The following HECW1 variants were observed in gnomAD, a reference collection of about 807,000 sequenced individuals.
HECW1 encodes the protein E3 ubiquitin-protein ligase HECW1.
Under a neutral mutation model 182.3 loss-of-function variants are expected in HECW1, and 61 were observed. That is an observed-to-expected ratio of 0.33 (90% CI 0.27 to 0.41). The LOEUF (loss-of-function observed/expected upper bound fraction) is 0.41, where lower values mean the gene tolerates loss of function less well. HECW1 is among the 10% of genes least tolerant of loss of function. The probability of loss-of-function intolerance (pLI) is 1.00; values close to 1 mark genes in which losing one functional copy is unlikely to be tolerated. For synonymous variants in HECW1, 859 were observed against 832.6 expected (o/e 1.03, Z -0.55); for missense variants, 1,739 against 2,108.9 (o/e 0.82, Z 3.44).
At chr7:43,302,248 C>A (rs1445427667) in intron 3 of HECW1, among the ~76,000 whole-genome samples, 1 of 152,190 alleles carries the variant, frequency 6.6e-6, no homozygotes, top group African/African-American at 2.4e-5. Flanking sequence ...CCAAGCCAGG[C>A]AGCTCAGGCC....
At chr7:43,218,077 G>A (rs1165839259) in intron 2 of HECW1, among the ~76,000 whole-genome samples, 2 of 152,166 alleles carry the variant, frequency 1.3e-5, no homozygotes, top group African/African-American at 4.8e-5. Flanking sequence ...CTGTGTAAAT[G>A]GCCCAACAAA....
rs536507154 is a variant in HECW1 at position 43,177,439 on chromosome 7, G to A, written c.-32+63048G>A. ...CTGAGCCTGATCCCAGGGCAGTCTGGACTGAGTTTGTCCCTCATCAAGTTT... is the reference window on the plus strand; with the variant it reads ...CTGAGCCTGATCCCAGGGCAGTCTGAACTGAGTTTGTCCCTCATCAAGTTT... On this transcript the variant is annotated intron_variant, in intron 2 of 29. Transcript: ENST00000395891. 5.6e-3 allele frequency among the ~76,000 whole-genome samples: 848 copies of A among 152,272 alleles called. 3 individuals are homozygous for A. The highest frequency in any genetic ancestry group is 9.5e-3 in the Non-Finnish European group (646 of 68,020).
At chr7:43,200,769 G>A (rs1794951921) in intron 2 of HECW1, among the ~76,000 whole-genome samples, 2 of 152,174 alleles carry the variant, frequency 1.3e-5, no homozygotes, top group Admixed American at 6.5e-5. Flanking sequence ...TACCACTTCT[G>A]CCTCCCTGTT....
At chr7:43,220,665 C>T (rs1402351666) in intron 2 of HECW1, among the ~76,000 whole-genome samples, 2 of 152,188 alleles carry the variant, frequency 1.3e-5, no homozygotes, top group Non-Finnish European at 2.9e-5. Flanking sequence ...CAAAGTCCAG[C>T]CAAACTCTAG....
At chr7:43,199,471 CT>C (rs1279784764) in intron 2 of HECW1, among the ~76,000 whole-genome samples, 13 of 152,114 alleles carry the variant, frequency 8.5e-5, no homozygotes, top group Admixed American at 5.9e-4. Context: ...TCTTTTCCCC[CT>C]GGAACTTACA....
At chr7:43,131,093 C>T (rs1181116122) in intron 2 of HECW1, among the ~76,000 whole-genome samples, 1 of 152,030 alleles carries the variant, frequency 6.6e-6, no homozygotes, top group East Asian at 1.9e-4. Flanking sequence ...TGGTGAAACC[C>T]CATCTGTACT....
intron 3 of HECW1, among the ~76,000 whole-genome samples, chr7:43,298,761 G>A (rs1396893011): frequency 2.6e-5 from 4 of 152,186 alleles, no homozygotes; most frequent in African/African-American, 4.8e-5. Flanking sequence ...TGAATGGCAA[G>A]TCAGGGGCCT....
At chr7:43,252,408 A>G (rs1321484690) in intron 3 of HECW1, among the ~76,000 whole-genome samples, 5 of 152,334 alleles carry the variant, frequency 3.3e-5, no homozygotes, top group African/African-American at 1.2e-4. Flanking sequence ...CAGCTTTAGC[A>G]TCACCTGGGA....
intron 2 of HECW1, among the ~76,000 whole-genome samples, chr7:43,146,763 G>T (rs1788761403): frequency 1.3e-5 from 2 of 152,220 alleles, no homozygotes; most frequent in African/African-American, 4.8e-5. Context: ...AGGAAGATGT[G>T]CCAGGCTAAT....
At chr7:43,369,184 C>T (rs575946531) in intron 6 of HECW1, among the ~76,000 whole-genome samples, 3 of 152,218 alleles carry the variant, frequency 2.0e-5, no homozygotes, top group African/African-American at 4.8e-5. Context: ...TAGGGCCGGG[C>T]GCAGTGGCTC....
chr7:43,175,334 A>G (rs1792120069), intron 2 of HECW1, among the ~76,000 whole-genome samples: 1 of 152,220 alleles, frequency 6.6e-6, no homozygotes, highest in Non-Finnish European at 1.5e-5. Context: ...TACAGTCACC[A>G]TGTTGTACAA....
intron 2 of HECW1, among the ~76,000 whole-genome samples, chr7:43,168,649 A>G (rs540199279): frequency 8.5e-5 from 13 of 152,164 alleles, no homozygotes; most frequent in Admixed American, 2.0e-4. Context: ...GACACAGCAA[A>G]ACCCTGTCTC....
chr7:43,185,225 G>C (rs1253740342), intron 2 of HECW1, among the ~76,000 whole-genome samples: 13 of 152,076 alleles, frequency 8.5e-5, no homozygotes, highest in Non-Finnish European at 2.9e-5. Context: ...CACCTAGAGA[G>C]GGCATGGAAA....
intron 6 of HECW1, among the ~76,000 whole-genome samples, chr7:43,365,441 G>T (rs915000352): frequency 9.5e-5 from 6 of 63,388 alleles, no homozygotes; most frequent in Admixed American, 4.0e-4. Flanking sequence ...AGGGCAGGCT[G>T]AGGACATGAC....
At chr7:43,209,754 G>T (rs903019788) in intron 2 of HECW1, among the ~76,000 whole-genome samples, 4 of 152,162 alleles carry the variant, frequency 2.6e-5, no homozygotes, top group African/African-American at 7.2e-5. Context: ...AGAATGTGGA[G>T]AAGAGTGGAC....
At chr7:43,349,283 C>G (rs1194144032) in intron 5 of HECW1, among the ~76,000 whole-genome samples, 1 of 152,178 alleles carries the variant, frequency 6.6e-6, no homozygotes, top group Non-Finnish European at 1.5e-5. Context: ...ATCTGCCTGC[C>G]TCGGCCTCCC....
At chr7:43,336,124 T>TTCTTTCTCTCTCTCTCTCTCTC (rs1313057919) in intron 5 of HECW1, among the ~76,000 whole-genome samples, 7 of 64,246 alleles carry the variant, frequency 1.1e-4, no homozygotes, top group Admixed American at 3.2e-4. Flanking sequence ...CTTTCTTTCT[T>TTCTTTCTCTCTCTCTCTCTCTC]TCTCTCTCTC....
chr7:43,282,165 C>T (rs986729685), intron 3 of HECW1, among the ~76,000 whole-genome samples: 3 of 152,206 alleles, frequency 2.0e-5, no homozygotes, highest in African/African-American at 4.8e-5. Context: ...GTGCCTCTTA[C>T]GGCTGTGTGC....
At position 43,407,784 on chromosome 7, in the gene HECW1, T is replaced by C. The variant is rs1225175779; in HGVS notation, c.801+53T>C. ...CCCAAGTAAAAGTGAAAGGGCTGAC[T>C]GTGAACCAGCCCTCCTCCTTCCCTC... is the stretch of plus-strand genomic sequence containing the variant. On this transcript the variant is annotated intron_variant, in intron 8 of 29. Coordinates refer to ENST00000395891, the MANE Select transcript of HECW1 (RefSeq NM_015052.5). 5.3e-6 allele frequency: 8 copies of C among 1,502,284 alleles called. No homozygotes were observed. The African/African-American group carries it at 6.9e-5, about 13-fold the overall frequency. 93.1% of individuals were successfully genotyped at this position (1,502,284 alleles called of 1,614,324 possible).
Sources: allele counts gnomAD v4.1 joint callset (sites outside exome capture counted in the v4.1 genomes callset), GRCh38; gene constraint gnomAD v4.1.1; transcripts MANE v1.5; gene names NCBI Gene and HGNC (gene_info 2026-07-23, HGNC 2026-07-21).